The following MAP7D3 variants were observed in gnomAD, a reference collection of about 807,000 sequenced individuals.
MAP7D3 encodes MAP7 domain-containing protein 3.
MAP7D3 carries 45 observed loss-of-function variants against 62.2 expected under a neutral mutation model. The ratio of observed to expected loss-of-function variants is 0.72; its 90% CI spans 0.57 to 0.93. The LOEUF (loss-of-function observed/expected upper bound fraction) is 0.93, where lower values mean the gene tolerates loss of function less well. Ranked by LOEUF, MAP7D3 falls within the 40% of genes least tolerant of loss-of-function variation. MAP7D3 has a pLI of 0.00. For missense variants in MAP7D3, 711 were observed against 683.1 expected, an observed-to-expected ratio of 1.04 and a Z score of -0.45; for synonymous variants, 288 against 248.8, an observed-to-expected ratio of 1.16 and a Z score of -1.48.
At chrX:136,221,606 T>C (rs762445612) in intron 15 of MAP7D3, among the ~76,000 whole-genome samples, 1 of 112,911 alleles carries the variant, frequency 8.9e-6, no homozygotes, top group South Asian at 3.6e-4. Context: ...ATTACAGGCG[T>C]GAGCCACTGC....
rs1429849593 is a variant in MAP7D3 at position 136,224,843 on chromosome X, T to C, written c.2177A>G (p.Asp726Gly). The change falls in exon 14 of 19, where the codon GAT (aspartate) becomes GGT (glycine). Residue 726 changes from aspartate (D) to glycine (G), a missense_variant. Asp to Gly is a moderately conservative substitution (Grantham distance 94). Transcript: ENST00000316077. Reference protein sequence around the residue: ...EEIMKRTRKTDVNASKVTETS... With the variant: ...EEIMKRTRKTGVNASKVTETS... ...GGAGACTACCTTTGAGGCATTCACA[T>C]CTGTCTTTCTTGTCCGCTTCATAAT... The C allele has an allele frequency of 8.5e-7, 1 of 1,179,320 alleles. No individual in the cohort carries two copies. The highest frequency in any genetic ancestry group is 1.2e-6 in the Non-Finnish European group (1 of 865,870).
Position 136,249,555 on chromosome X carries a change from CAT to C in MAP7D3, c.70+1732_70+1733del, listed in dbSNP as rs751520475. On this transcript the variant is annotated intron_variant, in intron 1 of 18. Transcript: ENST00000316077. ...ATATATTTACACTTTATATGTAACA[CAT>C]ATATATATACATGTATCTATTGCAT... Among the ~76,000 whole-genome samples the C allele has an allele frequency of 4.0e-3, 452 of 111,856 alleles. 2 individuals are homozygous for C. The highest frequency in any genetic ancestry group is 6.6e-3 in the Non-Finnish European group (352 of 53,119).
downstream of MAP7D3, chrX:136,213,577 C>G (rs2074044191): frequency 2.7e-5 from 3 of 110,946 alleles, no homozygotes. Flanking sequence ...GGACTGGCAC[C>G]CAGTAAACAC....
At chrX:136,256,296 A>C, upstream of MAP7D3, 1 of 1,154,880 alleles carries the variant, frequency 8.7e-7, no homozygotes, top group Non-Finnish European at 1.1e-6. Flanking sequence ...CCTAAGTTAC[A>C]GACTTACCTC....
At chrX:136,221,301 C>T (rs929053796) in intron 15 of MAP7D3, among the ~76,000 whole-genome samples, 2 of 112,051 alleles carry the variant, frequency 1.8e-5, no homozygotes, top group African/African-American at 6.5e-5. Context: ...CTAGACAATT[C>T]TGTTTGTGCA....
At position 136,228,658 on chromosome X, in the gene MAP7D3, C is replaced by A; in HGVS notation, c.1851G>T (p.Glu617Asp). ...RRLAREQREK[E>D]EEERQREEMQ... ...TTTCTTCCCGTTGTCTTTCTTCTTC[C>A]TCTTTTTCTCTTTGTTCACGAGCAA... The change falls in exon 11 of 19, where the codon GAG (glutamate) becomes GAT (aspartate). Residue 617 changes from glutamate (E) to aspartate (D), a missense_variant. Transcript: ENST00000316077. The A allele has an allele frequency of 8.3e-7, 1 of 1,205,687 alleles. No homozygotes were observed. Among genetic ancestry groups the A allele is most frequent in the East Asian group, 3.0e-5 (1 of 33,414 alleles).
chrX:136,227,469 T>C (rs1344862073), intron 11 of MAP7D3, 38 bp from the exon 12 acceptor site: 2 of 1,048,440 alleles, frequency 1.9e-6, no homozygotes, highest in African/African-American at 3.8e-5. Context: ...TTTATCTTGA[T>C]TGCTATCATA....
In MAP7D3 at chrX:136,230,486, G is replaced by C; in HGVS notation, c.1649C>G (p.Ser550Cys). Residue 550 changes from serine to cysteine, a missense_variant, in exon 10 of 19, where the codon TCT becomes TGT. By Grantham distance (112) the Ser-to-Cys change is moderately radical (BLOSUM62 -1). Coordinates refer to ENST00000316077, the MANE Select transcript of MAP7D3 (RefSeq NM_024597.4). ...GACAGTACTTGATGCACTTTGCACAGACAGGGTGTGTTGAATAGGCATTAT... is the reference window on the plus strand; with the variant it reads ...GACAGTACTTGATGCACTTTGCACACACAGGGTGTGTTGAATAGGCATTAT... ...YKIMPIQHTL[S>C]VQSASSTVKK... 1 of 1,185,117 alleles carries C rather than the reference G, an allele frequency of 8.4e-7. No homozygotes were observed. Among genetic ancestry groups the C allele is most frequent in the Non-Finnish European group, 1.1e-6 (1 of 871,284 alleles).
rs757865945 is a variant in MAP7D3 at position 136,244,811 on chromosome X, T to C, written c.254-16A>G. The C allele has an allele frequency of 1.7e-6, 2 of 1,167,159 alleles. No homozygotes were observed. The highest frequency in any genetic ancestry group is 3.8e-5 in the South Asian group (2 of 52,353). On this transcript the variant is annotated splice_polypyrimidine_tract_variant and intron_variant, in intron 3 of 18. Transcript: ENST00000316077. ...TCTTTATTGGCTGAAATATTCCAAA[T>C]ACATTTTCAAGGTGTAAGAGCCAAG...
chrX:136,248,782 T>C (rs2074475564), intron 1 of MAP7D3, among the ~76,000 whole-genome samples: 1 of 112,464 alleles, frequency 8.9e-6, no homozygotes, highest in Admixed American at 9.5e-5. Context: ...GACGTAATTA[T>C]TTTCCCCAAT....
At chrX:136,225,774 AG>A in intron 13 of MAP7D3, 134 bp downstream of exon 13, 1 of 443,134 alleles carries the variant, frequency 2.3e-6, no homozygotes, top group Non-Finnish European at 3.9e-6. Context: ...TCCTTGGATA[AG>A]GAAGAGAATC....
chrX:136,230,924 T>C lies in MAP7D3; in HGVS notation c.1456A>G (p.Lys486Glu). 3 of 1,199,201 alleles carry C rather than the reference T, an allele frequency of 2.5e-6. No homozygotes were observed. The highest frequency in any genetic ancestry group is 4.6e-4 in the Middle Eastern group (2 of 4,324). The stretch of plus-strand genomic sequence containing the variant: ...CACTCAGTGTATGATGATAGACGCT[T>C]CTTGGCAATAGGGATTAAGGCCTGT... ...DKQALIPIAK[K>E]RLSSYTECYK... Residue 486 changes from lysine (K) to glutamate (E), a missense_variant, in exon 9 of 19, where the codon AAG becomes GAG. By Grantham distance (56) the Lys-to-Glu change is moderately conservative. Coordinates refer to ENST00000316077, the MANE Select transcript of MAP7D3 (RefSeq NM_024597.4).
rs923315664 is a variant in MAP7D3, at chrX:136,219,627, T to C, written c.2531A>G (p.Lys844Arg). The change falls in exon 17 of 19, where the codon AAG (lysine) becomes AGG (arginine). Residue 844 changes from lysine to arginine, a missense_variant. By Grantham distance (26) the Lys-to-Arg change is conservative (BLOSUM62 2). Coordinates refer to ENST00000316077, the MANE Select transcript of MAP7D3 (RefSeq NM_024597.4). Reference protein sequence around the residue: ...RMTSHTTKTRKADETNTTSRS... With the variant: ...RMTSHTTKTRRADETNTTSRS... ...GCTGGTGGTGTTGGTTTCATCCGCCTTTCTGGTTTTCGTTGTGTGACTGGT... is the reference window on the plus strand; with the variant it reads ...GCTGGTGGTGTTGGTTTCATCCGCCCTTCTGGTTTTCGTTGTGTGACTGGT... 9.9e-6 allele frequency: 12 copies of C among 1,208,302 alleles called. No individual in the cohort carries two copies. The highest frequency in any genetic ancestry group is 1.0e-5 in the Non-Finnish European group (9 of 892,176).
chrX:136,254,925 A>AG (rs2074543087), upstream of MAP7D3, among the ~76,000 whole-genome samples: 1 of 32,439 alleles, frequency 3.1e-5, no homozygotes, highest in South Asian at 9.2e-4. Context: ...ACAAACAAAC[A>AG]AAAAAAACGG....
intron 10 of MAP7D3, among the ~76,000 whole-genome samples, chrX:136,229,708 T>C (rs944846251): frequency 4.4e-4 from 2 of 4,554 alleles, no homozygotes; most frequent in Non-Finnish European, 0.025. Flanking sequence ...ATCCGACCTG[T>C]GCTTTTTTTT....
intron 18 of MAP7D3, 100 bp downstream of exon 18, chrX:136,219,298 G>C: frequency 2.1e-6 from 1 of 477,184 alleles, no homozygotes; most frequent in Non-Finnish European, 3.7e-6. Context: ...CTCTTCCAAA[G>C]CTATATGGTG....
chrX:136,240,282 A>G, intron 6 of MAP7D3, 100 bp downstream of exon 6: 1 of 532,116 alleles, frequency 1.9e-6, no homozygotes, highest in Non-Finnish European at 3.3e-6. Flanking sequence ...TCTGAAATAA[A>G]CATAAATGTT....
chrX:136,234,176 T>G (rs2074304279), intron 7 of MAP7D3, among the ~76,000 whole-genome samples: 1 of 103,912 alleles, frequency 9.6e-6, no homozygotes. Context: ...AAGGAAAAAG[T>G]GAAGGGGAAA....
chrX:136,228,092 T>C (rs2074219788), intron 11 of MAP7D3, among the ~76,000 whole-genome samples: 1 of 111,898 alleles, frequency 8.9e-6, no homozygotes, highest in Admixed American at 9.5e-5. Context: ...ACAAGAAACC[T>C]TTGCTAGAAT....
Sources: gnomAD v4.1 joint callset for allele counts (sites outside exome capture counted in the v4.1 genomes callset) on GRCh38, gnomAD v4.1.1 for gene constraint, MANE v1.5 for transcripts, NCBI Gene and HGNC (gene_info 2026-07-23, HGNC 2026-07-21) for gene names.